Variants in PRICKLE1 observed in about 807,000 individuals in gnomAD.
PRICKLE1 encodes the protein prickle-like protein 1.
PRICKLE1 carries 14 observed loss-of-function variants against 70.2 expected under a neutral mutation model. That is an observed-to-expected ratio of 0.20 (90% CI 0.13 to 0.31). The LOEUF (loss-of-function observed/expected upper bound fraction) is 0.31, where lower values mean the gene tolerates loss of function less well. Ranked by LOEUF, PRICKLE1 falls within the 10% of genes least tolerant of loss-of-function variation. The pLI is 1.00. For missense variants in PRICKLE1, 821 were observed against 1,026.2 expected (o/e 0.80, Z 2.73); for synonymous variants, 357 against 379.9 (o/e 0.94, Z 0.70).
chr12:42,580,631 T>A lies in PRICKLE1; in HGVS notation c.-49+8834A>T, dbSNP rs115363764. ...GAAAACATAACAGTATATATATTTT[T>A]AAGTTTCTTGAGTTTTTGGACTCCC... On this transcript the variant is annotated intron_variant, in intron 1 of 7. Transcript: ENST00000345127. 2.6e-3 allele frequency among the ~76,000 whole-genome samples: 397 copies of A among 152,332 alleles called. 1 individual carries two copies. Among genetic ancestry groups the A allele is most frequent in the African/African-American group, 9.4e-3 (389 of 41,574 alleles).
At chr12:42,488,185 C>T (rs952671828) in intron 1 of PRICKLE1, among the ~76,000 whole-genome samples, 1 of 152,206 alleles carries the variant, frequency 6.6e-6, no homozygotes, top group Non-Finnish European at 1.5e-5. Context: ...CCCCCAGGCA[C>T]CTCCCTCTCT....
intron 2 of PRICKLE1, among the ~76,000 whole-genome samples, chr12:42,470,706 G>T (rs936642236): frequency 1.3e-5 from 2 of 152,192 alleles, no homozygotes; most frequent in Non-Finnish European, 2.9e-5. Flanking sequence ...AGGAGTTCGA[G>T]ACCAGCCTGA....
chr12:42,564,595 T>C (rs1940591387), intron 1 of PRICKLE1, among the ~76,000 whole-genome samples: 1 of 151,806 alleles, frequency 6.6e-6, no homozygotes, highest in African/African-American at 2.4e-5. Context: ...GCGACAAGAG[T>C]GAAACTCTTC....
chr12:42,560,768 T>TCACACACACACA (rs71084672), intron 1 of PRICKLE1, among the ~76,000 whole-genome samples: 13 of 127,738 alleles, frequency 1.0e-4, no homozygotes, highest in South Asian at 2.3e-4. Context: ...GCCCATCTTC[T>TCACACACACACA]CACACACACA....
At chr12:42,529,792 A>G (rs11615758) in intron 1 of PRICKLE1, among the ~76,000 whole-genome samples, 51,011 of 151,904 alleles carry the variant, frequency 0.34, 10,414 homozygotes, top group East Asian at 0.58. Context: ...GCTATTCAGG[A>G]GGCTGAGGCA....
In PRICKLE1 at chr12:42,528,205, A is replaced by C. The variant is rs536610877; in HGVS notation, c.-48-55641T>G. On this transcript the variant is annotated intron_variant, in intron 1 of 7. Coordinates refer to ENST00000345127, the MANE Select transcript of PRICKLE1 (RefSeq NM_153026.3). Reference sequence around the variant, plus strand: ...AACTGGCCCTCCCACCTCAGCCTCCAAAGTAACTGAGACTACAGTTGTGCA... The same window carrying C: ...AACTGGCCCTCCCACCTCAGCCTCCCAAGTAACTGAGACTACAGTTGTGCA... Among the ~76,000 whole-genome samples, 74 of 151,918 alleles carry C rather than the reference A, an allele frequency of 4.9e-4. 1 individual carries two copies. The highest frequency in any genetic ancestry group is 3.4e-3 in the Middle Eastern group (1 of 294).
intron 1 of PRICKLE1, among the ~76,000 whole-genome samples, chr12:42,504,338 G>C (rs1325118786): frequency 1.3e-5 from 2 of 152,150 alleles, no homozygotes; most frequent in East Asian, 3.9e-4. Context: ...TATAATTCAA[G>C]TGACTTTAAG....
chr12:42,584,813 C>T (rs1472755860), intron 1 of PRICKLE1, among the ~76,000 whole-genome samples: 1 of 152,138 alleles, frequency 6.6e-6, no homozygotes, highest in Non-Finnish European at 1.5e-5. Context: ...CAAGAGTGCT[C>T]GGCATGGAGG....
At chr12:42,475,876 GA>G (rs1819429101) in intron 1 of PRICKLE1, among the ~76,000 whole-genome samples, 1 of 151,534 alleles carries the variant, frequency 6.6e-6, no homozygotes, top group Admixed American at 6.6e-5. Flanking sequence ...GGCGGGGGCA[GA>G]CCACCTGAGG....
At chr12:42,575,165 TAAC>T (rs892783181) in intron 1 of PRICKLE1, among the ~76,000 whole-genome samples, 7 of 152,100 alleles carry the variant, frequency 4.6e-5, no homozygotes, top group African/African-American at 1.7e-4. Flanking sequence ...GTTCAGATTG[TAAC>T]AACATAACAA....
chr12:42,579,539 G>C (rs1940863176), intron 1 of PRICKLE1, among the ~76,000 whole-genome samples: 1 of 152,128 alleles, frequency 6.6e-6, no homozygotes. Context: ...TAATTAAAGA[G>C]AGTTTTCCAG....
rs760731193 is a variant in PRICKLE1 at position 42,464,585 on chromosome 12, A to G, written c.1449T>C (p.Ser483=). ...CAGGGCCTGGGTGGCTGCCATAAGC[A>G]GAATCGCCCAGTCCATCTTGTGACT... is the stretch of plus-strand genomic sequence containing the variant. The part of the protein sequence containing the change: ...WAQSQDGLGD[S]AYGSHPGPAS... The change falls in exon 7 of 8, where the codon TCT becomes TCC. Residue 483 remains serine (S), a synonymous_variant. Transcript: ENST00000345127. This position sits in a 1 kb window ranked among gnomAD's most constrained non-coding sequence, Gnocchi z 4.2. The G allele has an allele frequency of 3.7e-6, 6 of 1,613,874 alleles. No homozygotes were observed. In the Admixed American group the frequency reaches 1.0e-4, roughly 27 times the overall value.
intron 1 of PRICKLE1, among the ~76,000 whole-genome samples, chr12:42,557,012 C>CAGGTTCTT (rs1940424244): frequency 6.6e-6 from 1 of 150,890 alleles, no homozygotes; most frequent in African/African-American, 2.4e-5. Context: ...TTTAAAGAGG[C>CAGGTTCTT]AGGTTCTTAC....
At chr12:42,573,828 A>G (rs944696540) in intron 1 of PRICKLE1, among the ~76,000 whole-genome samples, 2 of 152,172 alleles carry the variant, frequency 1.3e-5, no homozygotes, top group African/African-American at 4.8e-5. Context: ...GAGCCACCGC[A>G]CCAGGCTGAG....
intron 2 of PRICKLE1, among the ~76,000 whole-genome samples, chr12:42,472,109 T>A (rs1432245432): frequency 6.6e-6 from 1 of 152,186 alleles, no homozygotes; most frequent in Non-Finnish European, 1.5e-5. Flanking sequence ...ACATAACCAA[T>A]GCATATGTAG....
intron 1 of PRICKLE1, among the ~76,000 whole-genome samples, chr12:42,571,262 T>G (rs542527359): frequency 6.6e-6 from 1 of 152,272 alleles, no homozygotes; most frequent in East Asian, 1.9e-4. Context: ...GCAAATATTT[T>G]GGACTGCTGT....
intron 1 of PRICKLE1, among the ~76,000 whole-genome samples, chr12:42,507,461 C>T (rs1013421700): frequency 6.6e-6 from 1 of 152,256 alleles, no homozygotes; most frequent in African/African-American, 2.4e-5. Flanking sequence ...AAAGTGACCA[C>T]TGACAAATGA....
intron 1 of PRICKLE1, among the ~76,000 whole-genome samples, chr12:42,532,853 T>C (rs531377294): frequency 1.6e-4 from 23 of 148,204 alleles, no homozygotes; most frequent in African/African-American, 5.0e-4. Context: ...GCCGAGATCG[T>C]GTCACTGCAC....
intron 1 of PRICKLE1, among the ~76,000 whole-genome samples, chr12:42,563,564 G>A (rs1040372375): frequency 7.9e-5 from 12 of 151,514 alleles, no homozygotes; most frequent in Admixed American, 1.3e-4. Flanking sequence ...TTAGCCAGGC[G>A]TGGTGATGGG....
Sources: gnomAD v4.1 joint callset for allele counts (sites outside exome capture counted in the v4.1 genomes callset) on GRCh38, gnomAD v4.1.1 for gene constraint, Gnocchi (gnomAD v3.1) non-coding constraint, MANE v1.5 for transcripts, NCBI Gene and HGNC (gene_info 2026-07-23, HGNC 2026-07-21) for gene names.